DLG2: variants seen among roughly 807,000 people sequenced by gnomAD.
The protein encoded by DLG2 is disks large homolog 2.
In DLG2, 45 loss-of-function variants were observed where a neutral mutation model predicts 132.5. That is an observed-to-expected ratio of 0.34 (90% CI 0.27 to 0.44). The LOEUF is 0.44. DLG2 is among the 20% of genes least tolerant of loss of function. The pLI, the probability that DLG2 is intolerant of heterozygous loss-of-function variation, is 1.00. For missense variants in DLG2, 1,045 were observed against 1,196.9 expected (o/e 0.87, Z 1.87); for synonymous variants, 424 against 419.6 (o/e 1.01, Z -0.13).
chr11:84,357,192 T>G (rs976446020), intron 7 of DLG2, among the ~76,000 whole-genome samples: 1 of 152,070 alleles, frequency 6.6e-6, no homozygotes, highest in Non-Finnish European at 1.5e-5. Context: ...TCTGGCTGCC[T>G]GTAGACAGCA....
At chr11:85,213,607 T>C (rs2082387932) in intron 4 of DLG2, among the ~76,000 whole-genome samples, 1 of 152,132 alleles carries the variant, frequency 6.6e-6, no homozygotes, top group South Asian at 2.1e-4. Context: ...TGTAAATGTT[T>C]CTTATCAGAC....
intron 18 of DLG2, among the ~76,000 whole-genome samples, chr11:83,783,639 G>C (rs1436865178): frequency 6.6e-6 from 1 of 152,054 alleles, no homozygotes; most frequent in Non-Finnish European, 1.5e-5. Context: ...CAGAGATAGA[G>C]CTATCAGCTA....
At chr11:83,943,023 A>G (rs564531225) in intron 14 of DLG2, among the ~76,000 whole-genome samples, 1 of 152,244 alleles carries the variant, frequency 6.6e-6, no homozygotes, top group East Asian at 1.9e-4. Context: ...TGAAAGTTTT[A>G]TAAGGGGGAG....
At chr11:83,591,228 T>C (rs1230896748) in intron 19 of DLG2, among the ~76,000 whole-genome samples, 29 of 140,040 alleles carry the variant, frequency 2.1e-4, no homozygotes, top group Non-Finnish European at 4.0e-4. Flanking sequence ...TGAACATTGA[T>C]GCAAAAATCC....
intron 8 of DLG2, among the ~76,000 whole-genome samples, chr11:84,184,788 T>C (rs1239637007): frequency 1.3e-5 from 2 of 152,028 alleles, no homozygotes; most frequent in Non-Finnish European, 2.9e-5. Flanking sequence ...TTTCTACATA[T>C]GGCTAGCCAG....
chr11:85,059,279 A>C (rs951702813), intron 6 of DLG2, among the ~76,000 whole-genome samples: 1 of 151,514 alleles, frequency 6.6e-6, no homozygotes, highest in African/African-American at 2.4e-5. Flanking sequence ...GAAAAAAAAA[A>C]TGTAGAGCAG....
At chr11:84,285,830 C>A (rs1258313141) in intron 7 of DLG2, among the ~76,000 whole-genome samples, 1 of 152,154 alleles carries the variant, frequency 6.6e-6, no homozygotes, top group Non-Finnish European at 1.5e-5. Flanking sequence ...AAAACTAGTT[C>A]TTTTGCTTAC....
At chr11:84,964,266 A>G (rs1490309160) in intron 6 of DLG2, among the ~76,000 whole-genome samples, 3 of 152,122 alleles carry the variant, frequency 2.0e-5, no homozygotes, top group Admixed American at 2.0e-4. Flanking sequence ...TGAAATTCAT[A>G]TACAACCTTC....
At chr11:84,262,379 G>A (rs867745149) in intron 7 of DLG2, among the ~76,000 whole-genome samples, 4 of 152,122 alleles carry the variant, frequency 2.6e-5, no homozygotes, top group East Asian at 3.9e-4. Context: ...CAAAAATCAC[G>A]ACAAAGCAAA....
chr11:85,397,605 CAA>C (rs1001503214), intron 3 of DLG2, among the ~76,000 whole-genome samples: 1 of 150,872 alleles, frequency 6.6e-6, no homozygotes, highest in South Asian at 2.1e-4. Context: ...AAATGGAAAG[CAA>C]AAAAAAGCAG....
At chr11:85,144,719 A>G (rs2076731336) in intron 5 of DLG2, among the ~76,000 whole-genome samples, 1 of 151,964 alleles carries the variant, frequency 6.6e-6, no homozygotes, top group South Asian at 2.1e-4. Flanking sequence ...AAAAAACTCT[A>G]CACTTTATCC....
intron 15 of DLG2, among the ~76,000 whole-genome samples, chr11:83,923,134 G>A (rs1277970081): frequency 1.3e-5 from 2 of 152,082 alleles, no homozygotes; most frequent in Non-Finnish European, 2.9e-5. Flanking sequence ...ATGACCTCAG[G>A]GGATTTGCCT....
At chr11:85,097,041 T>C (rs556735417) in intron 6 of DLG2, among the ~76,000 whole-genome samples, 17 of 152,134 alleles carry the variant, frequency 1.1e-4, no homozygotes, top group Non-Finnish European at 2.5e-4. Flanking sequence ...CTAAAAGTCA[T>C]GTGGCCCAAA....
chr11:83,886,224 T>C (rs553821107), intron 15 of DLG2, among the ~76,000 whole-genome samples: 5,003 of 152,064 alleles, frequency 0.033, 207 homozygotes, highest in African/African-American at 0.093. Flanking sequence ...CAGAGACACA[T>C]ATAGGCTCAA....
At chr11:84,711,677 A>G (rs1049245727) in intron 6 of DLG2, among the ~76,000 whole-genome samples, 7 of 151,978 alleles carry the variant, frequency 4.6e-5, no homozygotes, top group African/African-American at 1.7e-4. Context: ...AGGCAGGAGG[A>G]GCTCCCTCTT....
chr11:84,625,010 G>A (rs543328677), intron 6 of DLG2, among the ~76,000 whole-genome samples: 2 of 149,626 alleles, frequency 1.3e-5, no homozygotes, highest in South Asian at 2.1e-4. Context: ...ACAGGCGCCC[G>A]CCACTACGCC....
At chr11:85,350,337 A>C (rs1017593692) in intron 3 of DLG2, among the ~76,000 whole-genome samples, 2 of 152,060 alleles carry the variant, frequency 1.3e-5, no homozygotes, top group Non-Finnish European at 2.9e-5. Context: ...GATTGCAAAA[A>C]TTTTCCCCCA....
chr11:83,911,211 A>T (rs7126739), intron 15 of DLG2, among the ~76,000 whole-genome samples: 24,870 of 152,128 alleles, frequency 0.16, 2,461 homozygotes, highest in Middle Eastern at 0.23. Context: ...GCAGAGGCAG[A>T]GAGAGGAAGG....
intron 18 of DLG2, among the ~76,000 whole-genome samples, chr11:83,732,789 C>T (rs1383387408): frequency 6.6e-6 from 1 of 152,128 alleles, no homozygotes; most frequent in Non-Finnish European, 1.5e-5. Context: ...GAAGCTCTTT[C>T]ATAGTTTCAT....
Sources: allele counts gnomAD v4.1 joint callset (sites outside exome capture counted in the v4.1 genomes callset), GRCh38; gene constraint gnomAD v4.1.1; transcripts MANE v1.5; gene names NCBI Gene and HGNC (gene_info 2026-07-23, HGNC 2026-07-21).